KMT2A: variants seen among roughly 807,000 people sequenced by gnomAD.
The protein encoded by KMT2A is lysine methyltransferase 2A.
Under a neutral mutation model 345.3 loss-of-function variants are expected in KMT2A, and 16 were observed. That is an observed-to-expected ratio of 0.05 (90% CI 0.03 to 0.07). The LOEUF (loss-of-function observed/expected upper bound fraction) is 0.07. Ranked by LOEUF, KMT2A falls within the 10% of genes least tolerant of loss-of-function variation. KMT2A has a pLI of 1.00. For synonymous variants in KMT2A, 1,599 were observed against 1,778.6 expected, an observed-to-expected ratio of 0.90 and a Z score of 2.54; for missense variants, 3,272 against 4,841.6, an observed-to-expected ratio of 0.68 and a Z score of 9.62.
intron 1 of KMT2A, among the ~76,000 whole-genome samples, chr11:118,452,065 A>G (rs1030429807): frequency 2.0e-5 from 3 of 151,962 alleles, no homozygotes; most frequent in South Asian, 2.1e-4. Flanking sequence ...AGGTCTCACT[A>G]TGTTACCTGC....
At chr11:118,470,474 A>G (rs1591372592) in intron 2 of KMT2A, among the ~76,000 whole-genome samples, 1 of 152,194 alleles carries the variant, frequency 6.6e-6, no homozygotes, top group South Asian at 2.1e-4. Context: ...CCATCTCGAT[A>G]TGCTTCATTA....
At position 118,495,020 on chromosome 11, in the gene KMT2A, A is replaced by G. The variant is rs568375559; in HGVS notation, c.5363+253A>G. Among the ~76,000 whole-genome samples, 4 of 152,340 alleles carry G rather than the reference A, an allele frequency of 2.6e-5. No individual in the cohort carries two copies. Among genetic ancestry groups the G allele is most frequent in the East Asian group, 3.9e-4 (2 of 5,194 alleles). On this transcript the variant is annotated intron_variant, in intron 18 of 35. Coordinates refer to ENST00000534358, the MANE Select transcript of KMT2A (RefSeq NM_001197104.2). The surrounding 1 kb of genome is among the most constrained non-coding windows in gnomAD (Gnocchi z 4.1). ...GACAAATGTACAATACATGTGTGGT[A>G]CAGCCATGTAGCTGGCCTTGTTATA...
In KMT2A at chr11:118,504,290, T is replaced by G; in HGVS notation, c.8398T>G (p.Leu2800Val). The change falls in exon 27 of 36, where the codon TTG becomes GTG. Residue 2800 changes from leucine to valine, a missense_variant. By Grantham distance (32) the Leu-to-Val change is conservative (BLOSUM62 1). Transcript: ENST00000534358. This position sits in a 1 kb window ranked among gnomAD's most constrained non-coding sequence, Gnocchi z 6.4. ...SRVKTQGQDS[L>V]EAQLSSLESS... ...AGTTAAAACACAGGGACAAGATTCC[T>G]TGGAAGCTCAGCTCAGCTCATTGGA... is the stretch of plus-strand genomic sequence containing the variant. 1.2e-6 allele frequency: 2 copies of G among 1,614,162 alleles called. No individual in the cohort carries two copies. The highest frequency in any genetic ancestry group is 2.2e-5 in the South Asian group (2 of 91,078).
At position 118,476,802 on chromosome 11, in the gene KMT2A, C is replaced by T; in HGVS notation, c.3157-3C>T. On this transcript the variant is annotated splice_polypyrimidine_tract_variant and splice_region_variant and intron_variant, in intron 3 of 35. Coordinates refer to ENST00000534358, the MANE Select transcript of KMT2A (RefSeq NM_001197104.2). This position sits in a 1 kb window ranked among gnomAD's most constrained non-coding sequence, Gnocchi z 4.1. ...TATTGTTTTTGGATTGCCTCATATT[C>T]AGGGTCAAGAAAGTGACTCATCAGA... 1 of 1,599,288 alleles carries T rather than the reference C, an allele frequency of 6.3e-7. No homozygotes were observed. Among genetic ancestry groups the T allele is most frequent in the Non-Finnish European group, 8.6e-7 (1 of 1,168,920 alleles).
chr11:118,437,759 C>A (rs1949225642), intron 1 of KMT2A, among the ~76,000 whole-genome samples: 2 of 152,042 alleles, frequency 1.3e-5, no homozygotes, highest in African/African-American at 4.8e-5. Flanking sequence ...CACCCTTTCC[C>A]TCCTTTAGAA....
chr11:118,506,052 A>G lies in KMT2A; in HGVS notation c.10160A>G (p.Lys3387Arg), dbSNP rs1168394942. The change falls in exon 27 of 36, where the codon AAA (lysine) becomes AGA (arginine). Residue 3387 changes from lysine (K) to arginine (R), a missense_variant. Coordinates refer to ENST00000534358, the MANE Select transcript of KMT2A (RefSeq NM_001197104.2). ...DIGSISNLLI[K>R]ASQQSLGIQD... ...GGCTCAATAAGCAATCTTTTAATCA[A>G]AGCTAGCCAGCAGAGCCTGGGGATT... 6.2e-7 allele frequency: 1 copy of G among 1,614,034 alleles called. No homozygotes were observed. Among genetic ancestry groups the G allele is most frequent in the Non-Finnish European group, 8.5e-7 (1 of 1,180,032 alleles).
At chr11:118,469,811 A>G (rs1949912156) in intron 2 of KMT2A, among the ~76,000 whole-genome samples, 1 of 152,244 alleles carries the variant, frequency 6.6e-6, no homozygotes, top group Non-Finnish European at 1.5e-5. Flanking sequence ...GAGTCATCAT[A>G]TATTATCATC....
chr11:118,452,883 CG>C (rs1384639346), intron 1 of KMT2A, among the ~76,000 whole-genome samples: 1 of 151,558 alleles, frequency 6.6e-6, no homozygotes, highest in Non-Finnish European at 1.5e-5. Context: ...CTGCCCACCT[CG>C]GCCTCCCAAA....
chr11:118,494,507 C>A lies in KMT2A; in HGVS notation c.5289+109C>A. On this transcript the variant is annotated intron_variant, in intron 17 of 35. Transcript: ENST00000534358. The surrounding 1 kb of genome is among the most constrained non-coding windows in gnomAD (Gnocchi z 5.8). ...TTTTTGCTTTGTGGTGTGTATAAAA[C>A]ATCTTTGGTTTAATTTGATCCCCTG... 1 of 832,036 alleles carries A rather than the reference C, an allele frequency of 1.2e-6. No individual in the cohort carries two copies. The highest frequency in any genetic ancestry group is 1.9e-6 in the Non-Finnish European group (1 of 513,880). The allele number at this position is 832,036 out of a possible 1,614,324, so 51.5% of individuals were successfully genotyped here. A position where few individuals can be genotyped will look rare whatever the true frequency, so the allele number is the denominator to read the frequency against.
intron 1 of KMT2A, chr11:118,458,108 G>A: frequency 3.0e-6 from 1 of 330,584 alleles, no homozygotes. Flanking sequence ...TTTTGAGACA[G>A]GATCTCACTC....
rs374385218 is a variant in KMT2A, at chr11:118,474,011, G to T, written c.2852G>T (p.Gly951Val). 6.2e-7 allele frequency: 1 copy of T among 1,613,686 alleles called. No homozygotes were observed. The stretch of plus-strand genomic sequence containing the variant: ...ACTGATATTACTTCTGTGACTCTTG[G>T]GGATACAACAGCTGTCAAAACCAAA... The part of the protein sequence containing the change: ...SGTDITSVTL[G>V]DTTAVKTKIL... The change falls in exon 3 of 36, where the codon GGG (glycine) becomes GTG (valine). Residue 951 changes from glycine to valine, a missense_variant. Physicochemically the swap from Gly to Val is moderately radical, Grantham distance 109. This residue lies in a region of KMT2A where 209 missense variants were observed against 237.4 expected (regional missense o/e 0.88). Coordinates refer to ENST00000534358, the MANE Select transcript of KMT2A (RefSeq NM_001197104.2).
Position 118,504,032 on chromosome 11 carries a change from C to G in KMT2A, c.8140C>G (p.Leu2714Val). The change falls in exon 27 of 36, where the codon CTT becomes GTT. Residue 2714 changes from leucine (L) to valine (V), a missense_variant. By Grantham distance (32) the Leu-to-Val change is conservative. Transcript: ENST00000534358. This position sits in a 1 kb window ranked among gnomAD's most constrained non-coding sequence, Gnocchi z 6.4. ...ATTTCGGGAGGAGGAACAGTGTGATCTTCCAAAAATCTCACAGTTGGATGG... is the reference window on the plus strand; with the variant it reads ...ATTTCGGGAGGAGGAACAGTGTGATGTTCCAAAAATCTCACAGTTGGATGG... ...NLFREEEQCD[L>V]PKISQLDGVD... The G allele has an allele frequency of 6.2e-7, 1 of 1,614,138 alleles. No individual in the cohort carries two copies.
intron 1 of KMT2A, among the ~76,000 whole-genome samples, chr11:118,457,172 GC>G (rs1565268464): frequency 6.7e-6 from 1 of 149,588 alleles, no homozygotes; most frequent in Non-Finnish European, 1.5e-5. Context: ...ATCTGCTATA[GC>G]CTTCAGGATG....
rs781799317 is a variant in KMT2A at position 118,507,555 on chromosome 11, A to T, written c.10781A>T (p.Gln3594Leu). 1 of 1,614,202 alleles carries T rather than the reference A, an allele frequency of 6.2e-7. No individual in the cohort carries two copies. Among genetic ancestry groups the T allele is most frequent in the Non-Finnish European group, 8.5e-7 (1 of 1,180,002 alleles). ...TGTPGAEAEQ[Q>L]DTASVEQSSQ... ...ACTCCAGGAGCAGAGGCTGAGCAGCAGGATACAGCTAGCGTGGAGCAGTCC... is the reference window on the plus strand; with the variant it reads ...ACTCCAGGAGCAGAGGCTGAGCAGCTGGATACAGCTAGCGTGGAGCAGTCC... Residue 3594 changes from glutamine (Q) to leucine (L), a missense_variant, in exon 28 of 36, where the codon CAG becomes CTG. Physicochemically the swap from Gln to Leu is moderately radical, Grantham distance 113 (BLOSUM62 -2). This residue lies in a region of KMT2A where 748 missense variants were observed against 922.2 expected (regional missense o/e 0.81). Coordinates refer to ENST00000534358, the MANE Select transcript of KMT2A (RefSeq NM_001197104.2).
At chr11:118,516,966 A>C (rs898250127) in intron 31 of KMT2A, among the ~76,000 whole-genome samples, 3 of 152,168 alleles carry the variant, frequency 2.0e-5, no homozygotes, top group Non-Finnish European at 2.9e-5. Context: ...CAGTGTACAT[A>C]TTAAAAGGAA....
Position 118,484,415 on chromosome 11 carries a change from T to TG in KMT2A, c.4218+106dup, listed in dbSNP as rs1426417630. ...GTTGAAAGAGGAAATCAGCACCAAC[T>TG]GGGGGAATGAATAAGAACTCCCATT... On this transcript the variant is annotated intron_variant, in intron 9 of 35. Transcript: ENST00000534358. The surrounding 1 kb of genome is among the most constrained non-coding windows in gnomAD (Gnocchi z 4.1). 66 of 1,255,878 alleles carry TG rather than the reference T, an allele frequency of 5.3e-5. No homozygotes were observed. In the Middle Eastern group the frequency reaches 8.8e-4, roughly 17 times the overall value. 77.8% of individuals were successfully genotyped at this position (1,255,878 alleles called of 1,614,324 possible). A position where few individuals can be genotyped will look rare whatever the true frequency, so the allele number is the denominator to read the frequency against.
intron 11 of KMT2A, among the ~76,000 whole-genome samples, chr11:118,489,272 T>C (rs1451460199): frequency 6.7e-6 from 1 of 150,252 alleles, no homozygotes; most frequent in African/African-American, 2.4e-5. Context: ...AGGATGTGCA[T>C]TTTGTTATAT....
chr11:118,472,679 C>G lies in KMT2A; in HGVS notation c.1520C>G (p.Pro507Arg), dbSNP rs1949963955. ...QVLPEERSDTPEVHPPLPISQ... is the reference protein window; with the variant it reads ...QVLPEERSDTREVHPPLPISQ... ...CTTCCTGAGGAGCGGAGCGATACCC[C>G]TGAAGTTCATCCTCCACTGCCCATT... Residue 507 changes from proline to arginine, a missense_variant, in exon 3 of 36, where the codon CCT (proline) becomes CGT (arginine). This residue lies in a region of KMT2A where 180 missense variants were observed against 190.7 expected (regional missense o/e 0.94). Transcript: ENST00000534358. 1 of 1,613,150 alleles carries G rather than the reference C, an allele frequency of 6.2e-7. No individual in the cohort carries two copies. The highest frequency in any genetic ancestry group is 1.3e-5 in the African/African-American group (1 of 74,562).
chr11:118,507,429 T>G, intron 27 of KMT2A, 100 bp from the exon 28 acceptor site: 1 of 1,031,572 alleles, frequency 9.7e-7, no homozygotes, highest in Non-Finnish European at 1.5e-6. Context: ...TTATAGACTT[T>G]ATCAGATCCT....
Sources: gnomAD v4.1 joint callset for allele counts (sites outside exome capture counted in the v4.1 genomes callset) on GRCh38, gnomAD v4.1.1 for gene constraint, gnomAD v4.1.1 regional missense constraint, Gnocchi (gnomAD v3.1) non-coding constraint, MANE v1.5 for transcripts, NCBI Gene and HGNC (gene_info 2026-07-23, HGNC 2026-07-21) for gene names.